Variants in DLG2 observed in about 807,000 individuals in gnomAD.
DLG2 encodes disks large homolog 2.
Under a neutral mutation model 132.5 loss-of-function variants are expected in DLG2, and 45 were observed. The ratio of observed to expected loss-of-function variants is 0.34; its 90% confidence interval spans 0.27 to 0.44. DLG2 has a LOEUF of 0.44. DLG2 is among the 20% of genes least tolerant of loss of function. The pLI is 1.00. For synonymous variants in DLG2, 424 were observed against 419.6 expected, an observed-to-expected ratio of 1.01 and a Z score of -0.13; for missense variants, 1,045 against 1,196.9, an observed-to-expected ratio of 0.87 and a Z score of 1.87.
chr11:85,032,770 C>G (rs531694777), intron 6 of DLG2, among the ~76,000 whole-genome samples: 1 of 152,134 alleles, frequency 6.6e-6, no homozygotes, highest in Non-Finnish European at 1.5e-5. Flanking sequence ...TGGATGAAGA[C>G]TACACAATGT....
chr11:85,545,288 G>A (rs183991562), intron 3 of DLG2, among the ~76,000 whole-genome samples: 9 of 152,228 alleles, frequency 5.9e-5, no homozygotes, highest in South Asian at 4.2e-4. Flanking sequence ...GATGGATTAC[G>A]TGTATTGATT....
At chr11:85,049,933 C>T (rs890692166) in intron 6 of DLG2, among the ~76,000 whole-genome samples, 2 of 152,058 alleles carry the variant, frequency 1.3e-5, no homozygotes, top group African/African-American at 4.8e-5. Flanking sequence ...TTCTCATTCC[C>T]TTTCCAATAA....
intron 7 of DLG2, among the ~76,000 whole-genome samples, chr11:84,502,226 CCTT>C (rs2099213057): frequency 5.2e-5 from 1 of 19,066 alleles, no homozygotes; most frequent in African/African-American, 7.9e-4. Context: ...TTCCTTCCTT[CCTT>C]CCTTCCTTCC....
chr11:84,420,185 T>G (rs892748654), intron 7 of DLG2, among the ~76,000 whole-genome samples: 1 of 152,152 alleles, frequency 6.6e-6, no homozygotes, highest in Non-Finnish European at 1.5e-5. Flanking sequence ...ATAAAAAATC[T>G]GAAATGGTGA....
chr11:84,821,654 A>C (rs1278608253), intron 6 of DLG2, among the ~76,000 whole-genome samples: 3 of 151,252 alleles, frequency 2.0e-5, no homozygotes, highest in African/African-American at 7.3e-5. Flanking sequence ...ACAACAACAA[A>C]AAAAACAAAA....
At chr11:85,142,564 C>A (rs993867682) in intron 5 of DLG2, among the ~76,000 whole-genome samples, 5 of 151,620 alleles carry the variant, frequency 3.3e-5, no homozygotes, top group African/African-American at 4.8e-5. Context: ...TTATTTCTCT[C>A]ATTTAATTAC....
intron 3 of DLG2, among the ~76,000 whole-genome samples, chr11:85,472,458 C>G (rs978126099): frequency 6.6e-6 from 1 of 152,098 alleles, no homozygotes; most frequent in Admixed American, 6.5e-5. Flanking sequence ...CACCACCAAG[C>G]CCAGCTAATT....
chr11:84,547,814 C>T (rs1394873192), intron 6 of DLG2, among the ~76,000 whole-genome samples: 2 of 152,074 alleles, frequency 1.3e-5, no homozygotes, highest in East Asian at 1.9e-4. Flanking sequence ...TGCTTGGGAC[C>T]CAGTAGGTGC....
At chr11:83,532,635 G>C (rs1433622718) in intron 21 of DLG2, 73 bp downstream of exon 21, 45 of 1,321,492 alleles carry the variant, frequency 3.4e-5, no homozygotes, top group African/African-American at 4.3e-5. Flanking sequence ...GCTACTGAAA[G>C]CCTAAATGTG....
intron 4 of DLG2, among the ~76,000 whole-genome samples, chr11:85,270,277 A>T (rs1485502158): frequency 6.6e-6 from 1 of 152,112 alleles, no homozygotes; most frequent in Non-Finnish European, 1.5e-5. Context: ...TGGTTTTATG[A>T]AGGGGAGTTT....
chr11:84,422,083 C>T (rs776083123), intron 7 of DLG2, among the ~76,000 whole-genome samples: 13 of 152,192 alleles, frequency 8.5e-5, no homozygotes, highest in East Asian at 1.9e-4. Flanking sequence ...CCTCACTAGG[C>T]GCTTGAACTC....
chr11:84,804,536 C>A (rs557612293), intron 6 of DLG2, among the ~76,000 whole-genome samples: 1 of 152,166 alleles, frequency 6.6e-6, no homozygotes, highest in African/African-American at 2.4e-5. Flanking sequence ...ACCCTGGGAC[C>A]CAAGGAACAA....
rs1404270096 is a variant in DLG2 at position 84,077,760 on chromosome 11, A to T, written c.750-18276T>A. Among the ~76,000 whole-genome samples, 6 of 152,320 alleles carry T rather than the reference A, an allele frequency of 3.9e-5. No homozygotes were observed. In the East Asian group the frequency reaches 1.2e-3, roughly 29 times the overall value. ...TCACAATTTAAAATATTAATAAACA[A>T]TATCTTCTTGAGCAGTTAAAAAATC... On this transcript the variant is annotated intron_variant, in intron 10 of 27. Transcript: ENST00000376104.
At chr11:83,837,683 G>C (rs1375548435) in intron 16 of DLG2, among the ~76,000 whole-genome samples, 1 of 127,310 alleles carries the variant, frequency 7.9e-6, no homozygotes, top group African/African-American at 3.0e-5. Context: ...GCGGTTCCAG[G>C]CTGCAGGTTC....
chr11:84,369,635 T>G (rs775032072), intron 7 of DLG2, among the ~76,000 whole-genome samples: 1 of 152,130 alleles, frequency 6.6e-6, no homozygotes, highest in Non-Finnish European at 1.5e-5. Flanking sequence ...TGGCTCTCTA[T>G]TCAATAAAAG....
At chr11:84,596,533 A>T (rs1156677612) in intron 6 of DLG2, among the ~76,000 whole-genome samples, 1 of 151,882 alleles carries the variant, frequency 6.6e-6, no homozygotes, top group Non-Finnish European at 1.5e-5. Context: ...TACTCTGTTG[A>T]AATTTCTAGA....
At chr11:85,125,619 A>C (rs2074998067) in intron 5 of DLG2, among the ~76,000 whole-genome samples, 1 of 152,206 alleles carries the variant, frequency 6.6e-6, no homozygotes, top group African/African-American at 2.4e-5. Flanking sequence ...TGATTCAATC[A>C]GGAGAGAATA....
intron 16 of DLG2, among the ~76,000 whole-genome samples, chr11:83,861,061 G>A (rs1332633181): frequency 6.6e-6 from 1 of 152,002 alleles, no homozygotes; most frequent in Admixed American, 6.6e-5. Context: ...TGTGAAAATG[G>A]ACTAATAAAA....
At chr11:84,098,798 C>G (rs1255004046) in intron 10 of DLG2, 125 bp downstream of exon 10, 6 of 1,114,656 alleles carry the variant, frequency 5.4e-6, no homozygotes, top group African/African-American at 4.8e-5. Flanking sequence ...TTTCAGGAAG[C>G]TTGCCTTAAA....
Sources: gnomAD v4.1 joint callset for allele counts (sites outside exome capture counted in the v4.1 genomes callset) on GRCh38, gnomAD v4.1.1 for gene constraint, MANE v1.5 for transcripts, NCBI Gene and HGNC (gene_info 2026-07-23, HGNC 2026-07-21) for gene names.